PLPPR5: variants seen among roughly 807,000 people sequenced by gnomAD.
The protein encoded by PLPPR5 is phospholipid phosphatase-related protein type 5.
In PLPPR5, 16 loss-of-function variants were observed where a neutral mutation model predicts 33.9. That is an observed-to-expected ratio of 0.47 (90% CI 0.32 to 0.72). The LOEUF (loss-of-function observed/expected upper bound fraction) is 0.72. PLPPR5 is among the 30% of genes least tolerant of loss of function. The probability of loss-of-function intolerance (pLI) is 0.03; values close to 1 mark genes in which losing one functional copy is unlikely to be tolerated. For synonymous variants in PLPPR5, 163 were observed against 150.3 expected (o/e 1.08, Z -0.62); for missense variants, 301 against 406.7 (o/e 0.74, Z 2.23).
Position 98,942,427 on chromosome 1 carries a change from T to C in PLPPR5, c.621+10643A>G, listed in dbSNP as rs141386272. Among the ~76,000 whole-genome samples the C allele has an allele frequency of 3.1e-3, 473 of 152,292 alleles. 3 individuals carry two copies. The highest frequency in any genetic ancestry group is 0.011 in the African/African-American group (437 of 41,548). ...ACAGGGAGGATCAGAGAAGATACTA[T>C]ATCACGCTATTAATCTCTGGCTGTG... On this transcript the variant is annotated intron_variant, in intron 3 of 5. Transcript: ENST00000263177.
chr1:98,898,221 G>T (rs899450923), intron 5 of PLPPR5, among the ~76,000 whole-genome samples: 1 of 152,050 alleles, frequency 6.6e-6, no homozygotes, highest in Non-Finnish European at 1.5e-5. Context: ...TCCAGATGCT[G>T]CTTGTGTAAC....
chr1:98,964,595 C>T (rs1164628083), intron 1 of PLPPR5, among the ~76,000 whole-genome samples: 1 of 152,186 alleles, frequency 6.6e-6, no homozygotes, highest in African/African-American at 2.4e-5. Context: ...CCTTCCAGCT[C>T]CCCTCATCTG....
intron 1 of PLPPR5, among the ~76,000 whole-genome samples, chr1:98,965,810 C>T (rs573192986): frequency 6.6e-6 from 1 of 152,284 alleles, no homozygotes; most frequent in East Asian, 1.9e-4. Context: ...CAAAGATATC[C>T]ATGCATCATT....
At chr1:98,976,401 C>T (rs2100748327) in intron 1 of PLPPR5, among the ~76,000 whole-genome samples, 1 of 152,118 alleles carries the variant, frequency 6.6e-6, no homozygotes, top group Admixed American at 6.6e-5. Flanking sequence ...GTACTGTAAA[C>T]CAAGCATTTG....
chr1:98,987,688 G>A (rs1428006921), intron 1 of PLPPR5, among the ~76,000 whole-genome samples: 1 of 151,806 alleles, frequency 6.6e-6, no homozygotes, highest in Non-Finnish European at 1.5e-5. Flanking sequence ...CATGGGACTG[G>A]GTAAGAATTT....
At chr1:98,951,186 C>T (rs309084) in intron 3 of PLPPR5, among the ~76,000 whole-genome samples, 104,776 of 152,030 alleles carry the variant, frequency 0.69, 36,818 homozygotes, top group East Asian at 0.95. Context: ...GTGAAAAGTA[C>T]TTTGTGACTT....
chr1:98,952,977 G>A, intron 3 of PLPPR5, 93 bp downstream of exon 3: 5 of 1,445,464 alleles, frequency 3.5e-6, no homozygotes, highest in East Asian at 2.3e-5. Context: ...TGTGCTTTAA[G>A]TGACTTTCAT....
intron 1 of PLPPR5, among the ~76,000 whole-genome samples, chr1:98,981,156 T>C (rs1652049754): frequency 6.6e-6 from 1 of 152,056 alleles, no homozygotes; most frequent in African/African-American, 2.4e-5. Flanking sequence ...GAAATAGAAT[T>C]ACTTGTGCGA....
At chr1:98,980,030 C>T (rs964355344) in intron 1 of PLPPR5, among the ~76,000 whole-genome samples, 3 of 151,968 alleles carry the variant, frequency 2.0e-5, no homozygotes, top group Admixed American at 6.6e-5. Context: ...CTTGGTTTTC[C>T]TGGTCCTAAA....
chr1:98,953,217 A>C lies in PLPPR5; in HGVS notation c.474T>G (p.Asn158Lys). The change falls in exon 3 of 6, where the codon AAT becomes AAG. Residue 158 changes from asparagine to lysine, a missense_variant. By Grantham distance (94) the Asn-to-Lys change is moderately conservative. Coordinates refer to ENST00000263177, the MANE Select transcript of PLPPR5 (RefSeq NM_001037317.2). ...ACTGCTGACATCCAAGTGCTGTATAATTGGGCTTACACAGGGCAAGGAAAT... is the reference window on the plus strand; with the variant it reads ...ACTGCTGACATCCAAGTGCTGTATACTTGGGCTTACACAGGGCAAGGAAAT... ...APHFLALCKP[N>K]YTALGCQQYT... 6.2e-7 allele frequency: 1 copy of C among 1,614,132 alleles called. No individual in the cohort carries two copies. Among genetic ancestry groups the C allele is most frequent in the Non-Finnish European group, 8.5e-7 (1 of 1,180,020 alleles).
intron 1 of PLPPR5, among the ~76,000 whole-genome samples, chr1:98,968,398 C>T (rs181552222): frequency 3.2e-4 from 49 of 152,030 alleles, no homozygotes; most frequent in African/African-American, 1.2e-3. Context: ...GAATCATTTT[C>T]CCCTCTTCTT....
chr1:98,902,760 T>A (rs891307914), intron 5 of PLPPR5, among the ~76,000 whole-genome samples: 2 of 152,126 alleles, frequency 1.3e-5, no homozygotes, highest in African/African-American at 4.8e-5. Flanking sequence ...GATTTTTAAA[T>A]CTATCATTGA....
intron 3 of PLPPR5, among the ~76,000 whole-genome samples, chr1:98,937,744 T>C (rs188521844): frequency 9.8e-5 from 15 of 152,350 alleles, no homozygotes; most frequent in Admixed American, 7.8e-4. Context: ...GATAGCCACA[T>C]TTTGCCTTTT....
chr1:98,947,963 A>G (rs1253739130), intron 3 of PLPPR5, among the ~76,000 whole-genome samples: 2 of 152,196 alleles, frequency 1.3e-5, no homozygotes, highest in African/African-American at 4.8e-5. Context: ...ACGCCTAAGC[A>G]GGGAGCTTTA....
intron 1 of PLPPR5, among the ~76,000 whole-genome samples, chr1:98,976,092 T>TAAAAA (rs34637022): frequency 7.0e-4 from 52 of 74,678 alleles, no homozygotes; most frequent in African/African-American, 1.7e-3. Context: ...TACTAAAAAG[T>TAAAAA]AAAAAAAAAA....
chr1:98,999,420 A>G (rs1035228437), intron 1 of PLPPR5, among the ~76,000 whole-genome samples: 5 of 152,154 alleles, frequency 3.3e-5, no homozygotes, highest in African/African-American at 1.2e-4. Context: ...TGGCCTTCAA[A>G]CCCAAGAAGG....
Position 99,004,664 on chromosome 1 carries a change from A to G in PLPPR5, c.8T>C (p.Leu3Pro), listed in dbSNP as rs1160206511. The change falls in exon 1 of 6, where the codon CTG (leucine) becomes CCG (proline). Residue 3 changes from leucine (L) to proline (P), a missense_variant. Leu to Pro is a moderately conservative substitution (Grantham distance 98, BLOSUM62 -3). Coordinates refer to ENST00000263177, the MANE Select transcript of PLPPR5 (RefSeq NM_001037317.2). MP[L>P]LPAALTSSML... Reference sequence around the variant, plus strand: ...GCTGCTGGTGAGCGCCGCGGGCAGCAGGGGCATGCACGCCTCCCGGGCCGG... The same window carrying G: ...GCTGCTGGTGAGCGCCGCGGGCAGCGGGGGCATGCACGCCTCCCGGGCCGG... 1 of 1,609,978 alleles carries G rather than the reference A, an allele frequency of 6.2e-7. No individual in the cohort carries two copies. Among genetic ancestry groups the G allele is most frequent in the Non-Finnish European group, 8.5e-7 (1 of 1,178,616 alleles).
At chr1:98,978,255 G>T (rs1259503499) in intron 1 of PLPPR5, among the ~76,000 whole-genome samples, 1 of 151,974 alleles carries the variant, frequency 6.6e-6, no homozygotes, top group East Asian at 1.9e-4. Flanking sequence ...GGAGGGAGGG[G>T]TGCTACATTT....
chr1:98,982,032 C>T (rs1557692463), intron 1 of PLPPR5, among the ~76,000 whole-genome samples: 1 of 151,970 alleles, frequency 6.6e-6, no homozygotes, highest in African/African-American at 2.4e-5. Flanking sequence ...AAAAATAGTT[C>T]CATGTATTGA....
Sources: allele counts gnomAD v4.1 joint callset (sites outside exome capture counted in the v4.1 genomes callset), GRCh38; gene constraint gnomAD v4.1.1; transcripts MANE v1.5; gene names NCBI Gene and HGNC (gene_info 2026-07-23, HGNC 2026-07-21).